WDR11: variants seen among roughly 807,000 people sequenced by gnomAD.
WDR11 encodes WD repeat-containing protein 11.
A neutral mutation model predicts 151.2 loss-of-function variants in WDR11; 83 were observed. The observed-to-expected ratio is 0.55, with a 90% CI of 0.46 to 0.66. WDR11 has a LOEUF of 0.66. Ranked by LOEUF, WDR11 falls within the 30% of genes least tolerant of loss-of-function variation. The pLI is 0.00. For synonymous variants in WDR11, 484 were observed against 533.1 expected, an observed-to-expected ratio of 0.91 and a Z score of 1.27; for missense variants, 1,301 against 1,480.9, an observed-to-expected ratio of 0.88 and a Z score of 1.99.
In WDR11 at chr10:120,878,777, C is replaced by T. The variant is rs1322815201; in HGVS notation, c.1663+318C>T. Among the ~76,000 whole-genome samples, 4 of 152,128 alleles carry T rather than the reference C, an allele frequency of 2.6e-5. No individual in the cohort carries two copies. The East Asian group carries it at 7.7e-4, about 29-fold the overall frequency. ...CTTTAAAAGATCGATTTAAAAATAA[C>T]TCTGTCAATGGACTTTATTAGAGTC... On this transcript the variant is annotated intron_variant, in intron 12 of 28. Transcript: ENST00000263461.
intron 19 of WDR11, among the ~76,000 whole-genome samples, chr10:120,895,267 C>T (rs1847571759): frequency 6.6e-6 from 1 of 152,148 alleles, no homozygotes; most frequent in African/African-American, 2.4e-5. Flanking sequence ...CAACTATCTA[C>T]ATGAATCTAC....
At chr10:120,885,739 T>C (rs1291771343) in intron 14 of WDR11, 75 bp from the exon 15 acceptor site, 1 of 1,583,966 alleles carries the variant, frequency 6.3e-7, no homozygotes, top group African/African-American at 1.3e-5. Context: ...GTGGTGTGTG[T>C]GCCCAGCTCT....
At chr10:120,905,815 T>C (rs1393377387) in intron 26 of WDR11, 61 bp from the exon 27 acceptor site, 1 of 1,613,816 alleles carries the variant, frequency 6.2e-7, no homozygotes, top group Non-Finnish European at 8.5e-7. Context: ...TTAACTGAAT[T>C]ATTATTTTTT....
chr10:120,886,096 G>A (rs1847206597), intron 15 of WDR11, among the ~76,000 whole-genome samples, 158 bp downstream of exon 15: 1 of 152,092 alleles, frequency 6.6e-6, no homozygotes, highest in Non-Finnish European at 1.5e-5. Flanking sequence ...TTACTAAAAA[G>A]ATAATTTTAT....
intron 11 of WDR11, 64 bp from the exon 12 acceptor site, chr10:120,878,289 A>T (rs1050206124): frequency 1.2e-4 from 166 of 1,331,944 alleles, no homozygotes; most frequent in Non-Finnish European, 1.7e-4. Flanking sequence ...TTATTTTTCA[A>T]ATAAATGAAC....
chr10:120,877,910 T>C (rs1042889706), intron 11 of WDR11, among the ~76,000 whole-genome samples: 1 of 152,230 alleles, frequency 6.6e-6, no homozygotes, highest in Non-Finnish European at 1.5e-5. Context: ...GTTGAATATC[T>C]TCTCTATGCT....
chr10:120,851,568 A>T, intron 1 of WDR11, 62 bp downstream of exon 1: 3 of 1,564,792 alleles, frequency 1.9e-6, no homozygotes, highest in Non-Finnish European at 1.7e-6. Flanking sequence ...GGGAAGGGGG[A>T]AGGACAAGAG....
At chr10:120,867,371 T>C (rs1160306270) in intron 9 of WDR11, among the ~76,000 whole-genome samples, 1 of 152,230 alleles carries the variant, frequency 6.6e-6, no homozygotes, top group Non-Finnish European at 1.5e-5. Flanking sequence ...CGGGTTTGCA[T>C]TATAGTTGTT....
chr10:120,871,802 G>A (rs928077750), intron 10 of WDR11, among the ~76,000 whole-genome samples: 1 of 152,118 alleles, frequency 6.6e-6, no homozygotes, highest in Admixed American at 6.5e-5. Context: ...TATTTAAAGT[G>A]GCTATGGTCC....
rs1848022900 is a variant in WDR11, at chr10:120,905,922, T to A, written c.3338T>A (p.Val1113Asp). The A allele has an allele frequency of 6.2e-7, 1 of 1,613,894 alleles. No homozygotes were observed. Among genetic ancestry groups the A allele is most frequent in the South Asian group, 1.1e-5 (1 of 91,080 alleles). Residue 1113 changes from valine to aspartate, a missense_variant, in exon 27 of 29, where the codon GTT becomes GAT. By Grantham distance (152) the Val-to-Asp change is radical. Around this residue, in one of 3 missense-constraint regions of WDR11, gnomAD observed 589 missense variants for 670.6 expected, o/e 0.88. Transcript: ENST00000263461. ...EECADVLRRW[V>D]DHLCSPQVNQ... ...TGTGCCGATGTTTTAAGGCGGTGGG[T>A]TGACCACCTTTGTTCTCCACAAGTC...
chr10:120,874,176 G>GTTTTTTTTTTTTTTTTT (rs66873217), intron 11 of WDR11, among the ~76,000 whole-genome samples: 18 of 83,490 alleles, frequency 2.2e-4, no homozygotes, highest in South Asian at 3.5e-4. Flanking sequence ...GGTTTTTGCA[G>GTTTTTTTTTTTTTTTTT]TTTTTTTTTT....
intron 13 of WDR11, among the ~76,000 whole-genome samples, chr10:120,882,571 A>C (rs1195488120): frequency 6.6e-6 from 1 of 150,436 alleles, no homozygotes; most frequent in Non-Finnish European, 1.5e-5. Flanking sequence ...ATATAGGACT[A>C]TTTAGATTCT....
intron 19 of WDR11, among the ~76,000 whole-genome samples, chr10:120,896,257 C>G (rs1377560299): frequency 6.6e-6 from 1 of 152,118 alleles, no homozygotes; most frequent in East Asian, 1.9e-4. Context: ...TTCATGCACA[C>G]GTTTGCTTAC....
chr10:120,885,894 A>G lies in WDR11; in HGVS notation c.1929A>G (p.Val643=). 1 of 1,613,894 alleles carries G rather than the reference A, an allele frequency of 6.2e-7. No individual in the cohort carries two copies. The highest frequency in any genetic ancestry group is 8.5e-7 in the Non-Finnish European group (1 of 1,179,822). ...GAGAGGCCATGGCCCGCCAGACCGT[A>G]GTCTCAGACACAGAGCTGAGTATTG... ...ATREAMARQT[V]VSDTELSIVE... The change falls in exon 15 of 29, where the codon GTA becomes GTG. Residue 643 remains valine, a synonymous_variant. Coordinates refer to ENST00000263461, the MANE Select transcript of WDR11 (RefSeq NM_018117.12).
At chr10:120,884,706 A>G (rs529445173) in intron 14 of WDR11, among the ~76,000 whole-genome samples, 19 of 152,276 alleles carry the variant, frequency 1.2e-4, no homozygotes, top group East Asian at 7.7e-4. Context: ...TGGGAAAACA[A>G]ATTTTCCAGT....
chr10:120,906,088 G>A, intron 27 of WDR11, 67 bp downstream of exon 27: 2 of 1,611,704 alleles, frequency 1.2e-6, no homozygotes, highest in Non-Finnish European at 8.5e-7. Context: ...TTCTCTCGCG[G>A]TTCTAGCAGG....
At chr10:120,878,170 T>C (rs1454973992) in intron 11 of WDR11, among the ~76,000 whole-genome samples, 183 bp from the exon 12 acceptor site, 2 of 152,218 alleles carry the variant, frequency 1.3e-5, no homozygotes, top group Non-Finnish European at 2.9e-5. Context: ...AATGATTTTG[T>C]ATGTGTTAGG....
chr10:120,900,738 T>C (rs1238482977), intron 20 of WDR11, among the ~76,000 whole-genome samples: 1 of 152,200 alleles, frequency 6.6e-6, no homozygotes, highest in Non-Finnish European at 1.5e-5. Context: ...AGTTCTTCAT[T>C]AAAAGGAATC....
chr10:120,865,975 G>A (rs540839741), intron 7 of WDR11, among the ~76,000 whole-genome samples: 71 of 151,248 alleles, frequency 4.7e-4, no homozygotes, highest in Middle Eastern at 3.4e-3. Flanking sequence ...TGTGTTTCTT[G>A]ATCATATCCA....
Sources: gnomAD v4.1 joint callset for allele counts (sites outside exome capture counted in the v4.1 genomes callset) on GRCh38, gnomAD v4.1.1 for gene constraint, gnomAD v4.1.1 regional missense constraint, MANE v1.5 for transcripts, NCBI Gene and HGNC (gene_info 2026-07-23, HGNC 2026-07-21) for gene names.